The following GPHN variants were observed in gnomAD, a reference collection of about 807,000 sequenced individuals.
The protein encoded by GPHN is gephyrin.
A neutral mutation model predicts 95.5 loss-of-function variants in GPHN; 17 were observed. The ratio of observed to expected loss-of-function variants is 0.18; its 90% CI spans 0.12 to 0.27. The LOEUF (loss-of-function observed/expected upper bound fraction) is 0.27. Among genes scored for constraint, GPHN ranks in the 10% least tolerant of loss-of-function variants. The pLI is 1.00. For missense variants in GPHN, 660 were observed against 978.1 expected (o/e 0.67, Z 4.34); for synonymous variants, 320 against 322.5 (o/e 0.99, Z 0.08).
the GPHN span, among the ~76,000 whole-genome samples, chr14:67,254,886 C>T: frequency 2.8e-4 from 42 of 152,328 alleles, no homozygotes; most frequent in African/African-American, 9.6e-4. Context: ...CGCAGTGGCT[C>T]ACACCTGTAA....
chr14:67,063,550 C>A (rs1408135085), intron 11 of GPHN, among the ~76,000 whole-genome samples: 4 of 152,140 alleles, frequency 2.6e-5, no homozygotes, highest in Non-Finnish European at 4.4e-5. Flanking sequence ...GATATTGATT[C>A]TTCTATCCAT....
chr14:67,393,760 T>G, the GPHN span, among the ~76,000 whole-genome samples: 1 of 152,102 alleles, frequency 6.6e-6, no homozygotes, highest in Non-Finnish European at 1.5e-5. Context: ...GGCCTGATGA[T>G]GGATGTTTGA....
chr14:66,708,429 G>A (rs2069299396), intron 2 of GPHN, among the ~76,000 whole-genome samples: 1 of 152,150 alleles, frequency 6.6e-6, no homozygotes, highest in Non-Finnish European at 1.5e-5. Flanking sequence ...AATATGTGCT[G>A]TAGCTGAAAA....
At chr14:67,346,748 A>G in the GPHN span, among the ~76,000 whole-genome samples, 21 of 152,372 alleles carry the variant, frequency 1.4e-4, no homozygotes, top group Non-Finnish European at 2.9e-4. Flanking sequence ...AAGAATCAGC[A>G]TTCAGGTTGC....
chr14:66,837,228 A>G (rs1370823495), intron 4 of GPHN, among the ~76,000 whole-genome samples: 3 of 151,758 alleles, frequency 2.0e-5, no homozygotes, highest in Admixed American at 6.6e-5. Flanking sequence ...GATTAAGAAA[A>G]TGTGGCATAT....
chr14:67,292,784 A>G, the GPHN span: 16 of 1,237,940 alleles, frequency 1.3e-5, no homozygotes, highest in Admixed American at 2.4e-4. Context: ...AGGCAGGATT[A>G]TTGGAAAATA....
At chr14:66,908,991 A>C (rs1362610989) in intron 5 of GPHN, among the ~76,000 whole-genome samples, 1 of 152,132 alleles carries the variant, frequency 6.6e-6, no homozygotes, top group Non-Finnish European at 1.5e-5. Context: ...GGATCCTGAA[A>C]CAGAAAAAGG....
chr14:67,193,538 A>C, the GPHN span, among the ~76,000 whole-genome samples: 1 of 143,836 alleles, frequency 7.0e-6, no homozygotes, highest in Non-Finnish European at 1.5e-5. Context: ...GATCTATAGA[A>C]ATATATATCT....
chr14:67,345,125 C>T, the GPHN span, among the ~76,000 whole-genome samples: 49 of 151,452 alleles, frequency 3.2e-4, no homozygotes, highest in Non-Finnish European at 5.9e-4. Flanking sequence ...GCCTATAGTC[C>T]CAGCTACTCA....
chr14:67,171,369 G>GT (rs2082586945), intron 21 of GPHN, among the ~76,000 whole-genome samples: 1 of 149,404 alleles, frequency 6.7e-6, no homozygotes, highest in Non-Finnish European at 1.5e-5. Context: ...AAAGCATCTG[G>GT]TAAAGAAAAA....
chr14:67,490,301 T>C, the GPHN span, among the ~76,000 whole-genome samples: 3 of 152,130 alleles, frequency 2.0e-5, no homozygotes, highest in African/African-American at 7.2e-5. Flanking sequence ...CCAGGAGCCA[T>C]TGCACCACCA....
the GPHN span, chr14:67,691,152 C>T: frequency 1.2e-6 from 2 of 1,612,658 alleles, no homozygotes; most frequent in African/African-American, 1.3e-5. Context: ...AAGTGGTTGA[C>T]TCCTATGTGC....
chr14:66,831,846 C>T (rs888825624), intron 4 of GPHN, among the ~76,000 whole-genome samples: 3 of 152,098 alleles, frequency 2.0e-5, no homozygotes, highest in African/African-American at 7.2e-5. Context: ...CTCATTTATT[C>T]TTCAAAACAA....
the GPHN span, chr14:67,350,541 C>A: frequency 7.4e-7 from 1 of 1,347,600 alleles, no homozygotes; most frequent in Admixed American, 2.1e-5. Flanking sequence ...TTAAAAAATG[C>A]TTTTTAAATG....
At chr14:67,452,585 A>C in the GPHN span, among the ~76,000 whole-genome samples, 13 of 152,292 alleles carry the variant, frequency 8.5e-5, no homozygotes, top group Middle Eastern at 3.4e-3. Context: ...CAGGACTAGG[A>C]TCAGAACTCT....
In GPHN at chr14:66,739,289, G is replaced by A. The variant is rs750869296; in HGVS notation, c.144-37175G>A. Among the ~76,000 whole-genome samples, 18 of 148,872 alleles carry A rather than the reference G, an allele frequency of 1.2e-4. No homozygotes were observed. The South Asian group carries it at 1.3e-3, about 10-fold the overall frequency. Reference sequence around the variant, plus strand: ...TGGAGTGCAGTGGCACAATCTCGGCGTACTGCAAGCTCTGCCTCCCAGGTT... The same window carrying A: ...TGGAGTGCAGTGGCACAATCTCGGCATACTGCAAGCTCTGCCTCCCAGGTT... On this transcript the variant is annotated intron_variant, in intron 2 of 22. Transcript: ENST00000478722.
intron 1 of GPHN, among the ~76,000 whole-genome samples, chr14:66,666,824 TAAG>T (rs1463905245): frequency 6.6e-6 from 1 of 152,160 alleles, no homozygotes; most frequent in Non-Finnish European, 1.5e-5. Context: ...GGCATTCAAA[TAAG>T]AAGAGAGGAA....
At chr14:66,631,343 G>A (rs1043684514) in intron 1 of GPHN, among the ~76,000 whole-genome samples, 18 of 152,234 alleles carry the variant, frequency 1.2e-4, no homozygotes, top group Admixed American at 6.5e-5. Context: ...CACTGCGCCC[G>A]GCCGGCACAG....
At chr14:66,738,981 C>T (rs1484128976) in intron 2 of GPHN, among the ~76,000 whole-genome samples, 1 of 151,854 alleles carries the variant, frequency 6.6e-6, no homozygotes, top group Non-Finnish European at 1.5e-5. Flanking sequence ...GGGTGGCGTT[C>T]TATTGAAACA....
Sources: gnomAD v4.1 joint callset for allele counts (sites outside exome capture counted in the v4.1 genomes callset) on GRCh38, gnomAD v4.1.1 for gene constraint, MANE v1.5 for transcripts, NCBI Gene and HGNC (gene_info 2026-07-23, HGNC 2026-07-21) for gene names.